CHSY3: variants seen among roughly 807,000 people sequenced by gnomAD.
CHSY3 encodes the protein N-acetylgalactosaminyl-proteoglycan 3-beta-glucuronosyltransferase 3.
A neutral mutation model predicts 67.2 loss-of-function variants in CHSY3; 35 were observed. That is an observed-to-expected ratio of 0.52 (90% confidence interval 0.40 to 0.69). CHSY3 has a LOEUF of 0.69. Among genes scored for constraint, CHSY3 ranks in the 30% least tolerant of loss-of-function variants. The pLI, the probability that CHSY3 is intolerant of heterozygous loss-of-function variation, is 0.00. For missense variants in CHSY3, 1,069 were observed against 1,138.5 expected (o/e 0.94, Z 0.88); for synonymous variants, 474 against 434.7 (o/e 1.09, Z -1.12).
Position 129,935,050 on chromosome 5 carries a change from T to G in CHSY3, c.1086+26690T>G, listed in dbSNP as rs1761442434. ...AATTGCCATACAAGAAGGACATTTCTCGTAAAGATAAACAAAATTTCCTTA... is the reference window on the plus strand; with the variant it reads ...AATTGCCATACAAGAAGGACATTTCGCGTAAAGATAAACAAAATTTCCTTA... On this transcript the variant is annotated intron_variant, in intron 2 of 2. Coordinates refer to ENST00000305031, the MANE Select transcript of CHSY3 (RefSeq NM_175856.5). 3.9e-5 allele frequency among the ~76,000 whole-genome samples: 6 copies of G among 152,208 alleles called. No individual in the cohort carries two copies. In the South Asian group the frequency reaches 1.2e-3, roughly 31 times the overall value.
At chr5:130,182,483 G>C (rs1770278526) in intron 2 of CHSY3, among the ~76,000 whole-genome samples, 1 of 151,868 alleles carries the variant, frequency 6.6e-6, no homozygotes, top group Non-Finnish European at 1.5e-5. Flanking sequence ...TAAAGAACAA[G>C]GTTCTTAACT....
chr5:130,074,518 A>G (rs1055105169), intron 2 of CHSY3, among the ~76,000 whole-genome samples: 1 of 152,204 alleles, frequency 6.6e-6, no homozygotes, highest in Non-Finnish European at 1.5e-5. Flanking sequence ...AATATTTAGG[A>G]ACTGCTGAAA....
chr5:130,009,314 A>G (rs1190177458), intron 2 of CHSY3, among the ~76,000 whole-genome samples: 1 of 152,198 alleles, frequency 6.6e-6, no homozygotes, highest in Non-Finnish European at 1.5e-5. Flanking sequence ...GCCTATATTC[A>G]GCATCGCTAA....
intron 2 of CHSY3, among the ~76,000 whole-genome samples, chr5:130,041,991 C>T (rs2108666): frequency 0.31 from 47,669 of 151,984 alleles, 8,857 homozygotes; most frequent in Non-Finnish European, 0.42. Context: ...GTAATCCCAG[C>T]ATTTTGGGGG....
At chr5:129,930,393 G>T (rs1323358489) in intron 2 of CHSY3, among the ~76,000 whole-genome samples, 1 of 149,942 alleles carries the variant, frequency 6.7e-6, no homozygotes, top group Non-Finnish European at 1.5e-5. Context: ...CTTGAAGAGT[G>T]TAGCTATGGA....
chr5:129,935,247 G>A lies in CHSY3; in HGVS notation c.1086+26887G>A, dbSNP rs182576780. 1.8e-4 allele frequency among the ~76,000 whole-genome samples: 27 copies of A among 152,186 alleles called. No individual in the cohort carries two copies. The East Asian group carries it at 5.2e-3, about 29-fold the overall frequency. On this transcript the variant is annotated intron_variant, in intron 2 of 2. Coordinates refer to ENST00000305031, the MANE Select transcript of CHSY3 (RefSeq NM_175856.5). ...TCACAAACATGGAAGAGGTTTCTTTGTTACGTATCATCTTTTGTCCTAGTA... is the reference window on the plus strand; with the variant it reads ...TCACAAACATGGAAGAGGTTTCTTTATTACGTATCATCTTTTGTCCTAGTA...
At chr5:130,074,419 T>G (rs1211842344) in intron 2 of CHSY3, among the ~76,000 whole-genome samples, 2 of 152,118 alleles carry the variant, frequency 1.3e-5, no homozygotes, top group African/African-American at 4.8e-5. Flanking sequence ...TGGCACACAT[T>G]CCTAAAAGAT....
intron 2 of CHSY3, among the ~76,000 whole-genome samples, chr5:130,169,593 A>G (rs1769843440): frequency 6.6e-6 from 1 of 151,964 alleles, no homozygotes; most frequent in Non-Finnish European, 1.5e-5. Context: ...GCTCTCTAAC[A>G]TTAGTGAATG....
intron 2 of CHSY3, among the ~76,000 whole-genome samples, chr5:129,999,277 G>GA (rs1031540718): frequency 1.4e-4 from 21 of 151,856 alleles, no homozygotes; most frequent in African/African-American, 4.8e-4. Context: ...AAATTGAATG[G>GA]AAAAAATGAA....
intron 2 of CHSY3, among the ~76,000 whole-genome samples, chr5:129,959,208 T>C (rs1388910380): frequency 6.6e-6 from 1 of 152,156 alleles, no homozygotes; most frequent in Non-Finnish European, 1.5e-5. Context: ...TCTTTCTTCA[T>C]TTTTAGATAC....
intron 2 of CHSY3, among the ~76,000 whole-genome samples, chr5:130,131,378 A>G (rs1217534715): frequency 6.6e-6 from 1 of 152,110 alleles, no homozygotes; most frequent in Non-Finnish European, 1.5e-5. Flanking sequence ...AACTTTCCAT[A>G]TAGAAGGAAT....
chr5:130,142,707 G>T (rs986778039), intron 2 of CHSY3, among the ~76,000 whole-genome samples: 3 of 152,114 alleles, frequency 2.0e-5, no homozygotes, highest in South Asian at 2.1e-4. Flanking sequence ...AAATGTGTAG[G>T]GAGCTCCTAG....
chr5:129,910,387 G>A (rs553976759), intron 2 of CHSY3, among the ~76,000 whole-genome samples: 1 of 151,992 alleles, frequency 6.6e-6, no homozygotes, highest in South Asian at 2.1e-4. Context: ...TTCTAGATAA[G>A]TACTGTTGAC....
At chr5:130,152,286 T>A (rs968373922) in intron 2 of CHSY3, among the ~76,000 whole-genome samples, 8 of 152,334 alleles carry the variant, frequency 5.3e-5, no homozygotes, top group South Asian at 2.1e-4. Context: ...ATCAAAATTG[T>A]TGACTTTCCA....
At chr5:129,929,844 C>T (rs1436557904) in intron 2 of CHSY3, among the ~76,000 whole-genome samples, 1 of 151,974 alleles carries the variant, frequency 6.6e-6, no homozygotes, top group African/African-American at 2.4e-5. Flanking sequence ...CCATAGTAAG[C>T]AAGTTTGTGT....
At chr5:130,144,658 AT>A (rs1202205575) in intron 2 of CHSY3, among the ~76,000 whole-genome samples, 1 of 152,140 alleles carries the variant, frequency 6.6e-6, no homozygotes, top group African/African-American at 2.4e-5. Context: ...AAAAATCTTA[AT>A]TTTTTTAATG....
chr5:130,169,497 G>A (rs1260251199), intron 2 of CHSY3, among the ~76,000 whole-genome samples: 1 of 151,996 alleles, frequency 6.6e-6, no homozygotes, highest in Non-Finnish European at 1.5e-5. Context: ...TCATGTAGCC[G>A]AAGCTGACAC....
At chr5:129,924,494 G>A (rs1308452081) in intron 2 of CHSY3, among the ~76,000 whole-genome samples, 4 of 151,556 alleles carry the variant, frequency 2.6e-5, no homozygotes, top group African/African-American at 9.7e-5. Context: ...AAAAATACAA[G>A]CATTAGCCAG....
intron 2 of CHSY3, among the ~76,000 whole-genome samples, chr5:130,082,443 G>GC (rs1246320965): frequency 6.6e-6 from 1 of 151,998 alleles, no homozygotes; most frequent in Non-Finnish European, 1.5e-5. Context: ...TCACAGTGTA[G>GC]TTTGTTTCAA....
Sources: gnomAD v4.1 joint callset for allele counts (sites outside exome capture counted in the v4.1 genomes callset) on GRCh38, gnomAD v4.1.1 for gene constraint, MANE v1.5 for transcripts, NCBI Gene and HGNC (gene_info 2026-07-23, HGNC 2026-07-21) for gene names.